Variants in CFAP44 observed in about 807,000 individuals in gnomAD.
CFAP44 encodes the protein cilia- and flagella-associated protein 44.
In CFAP44, 134 loss-of-function variants were observed where a neutral mutation model predicts 216.2. The ratio of observed to expected loss-of-function variants is 0.62; its 90% CI spans 0.54 to 0.72. CFAP44 has a LOEUF of 0.72. CFAP44 is among the 30% of genes least tolerant of loss of function. CFAP44 has a pLI of 0.00. For missense variants in CFAP44, 2,035 were observed against 2,182.1 expected (o/e 0.93, Z 1.34); for synonymous variants, 700 against 727.6 (o/e 0.96, Z 0.61).
At chr3:113,417,128 A>C (rs1934667722) in intron 5 of CFAP44, 1 of 152,836 alleles carries the variant, frequency 6.5e-6, no homozygotes, top group South Asian at 2.1e-4. Context: ...TTTGAGAATC[A>C]CTGAGATGAA....
At chr3:113,425,017 G>A (rs1236641383) in intron 4 of CFAP44, among the ~76,000 whole-genome samples, 1 of 151,852 alleles carries the variant, frequency 6.6e-6, no homozygotes, top group Admixed American at 6.6e-5. Context: ...AACTTCCAGG[G>A]GACTCTAATA....
At chr3:113,340,327 A>G (rs1384143817) in intron 24 of CFAP44, among the ~76,000 whole-genome samples, 3 of 152,210 alleles carry the variant, frequency 2.0e-5, no homozygotes, top group Non-Finnish European at 1.5e-5. Flanking sequence ...AAAAAAAGAG[A>G]TAAGAACCAT....
rs1333520744 is a variant in CFAP44, at chr3:113,380,927, T to C, written c.2024A>G (p.His675Arg). Residue 675 changes from histidine (H) to arginine (R), a missense_variant, in exon 16 of 35, where the codon CAT becomes CGT. Coordinates refer to ENST00000393845, the MANE Select transcript of CFAP44 (RefSeq NM_001164496.2). Reference sequence around the variant, plus strand: ...AATCTTAGATTTGACACTTGAAAAATGGAAACATTTTATGCACATGTCTTT... The same window carrying C: ...AATCTTAGATTTGACACTTGAAAAACGGAAACATTTTATGCACATGTCTTT... ...EIKDMCIKCF[H>R]FSSVKSKILR... is the part of the protein sequence containing the mutation. 3 of 1,583,840 alleles carry C rather than the reference T, an allele frequency of 1.9e-6. No homozygotes were observed. The highest frequency in any genetic ancestry group is 1.2e-5 in the South Asian group (1 of 83,650).
At chr3:113,330,065 G>A (rs1435503162) in intron 26 of CFAP44, 103 bp downstream of exon 26, 1 of 1,382,214 alleles carries the variant, frequency 7.2e-7, no homozygotes, top group Non-Finnish European at 9.5e-7. Flanking sequence ...TTTGGGAAAG[G>A]TTCATGCAGA....
At chr3:113,372,174 T>G (rs964643277) in intron 18 of CFAP44, among the ~76,000 whole-genome samples, 1 of 152,232 alleles carries the variant, frequency 6.6e-6, no homozygotes, top group African/African-American at 2.4e-5. Flanking sequence ...AGTGTGGCGA[T>G]TCCTCAAGGA....
At chr3:113,403,449 G>C (rs1318793468) in intron 9 of CFAP44, among the ~76,000 whole-genome samples, 1 of 152,120 alleles carries the variant, frequency 6.6e-6, no homozygotes, top group African/African-American at 2.4e-5. Flanking sequence ...TTCACCTCTG[G>C]GTGTATTTCT....
At chr3:113,410,053 G>C (rs1486756938) in intron 6 of CFAP44, among the ~76,000 whole-genome samples, 1 of 152,084 alleles carries the variant, frequency 6.6e-6, no homozygotes. Context: ...ATATAATCAA[G>C]AATAACTATG....
chr3:113,290,950 CCTG>C lies in CFAP44; in HGVS notation c.*604_*606del, dbSNP rs1235197575. 6.5e-6 allele frequency: 1 copy of C among 152,868 alleles called. No homozygotes were observed. The highest frequency in any genetic ancestry group is 1.5e-5 in the Non-Finnish European group (1 of 68,508). The allele number at this position is 152,868 out of a possible 1,614,324, so 9.5% of individuals were successfully genotyped here. ...GCAATCCAAGAAGGCTGGTTATTTT[CCTG>C]CTTTCTGCCAACCCAAAGCAAACTG... On this transcript the variant is annotated 3_prime_UTR_variant, in exon 35 of 35. Coordinates refer to ENST00000393845, the MANE Select transcript of CFAP44 (RefSeq NM_001164496.2).
At chr3:113,316,823 C>CA (rs938295004) in intron 28 of CFAP44, among the ~76,000 whole-genome samples, 4 of 150,112 alleles carry the variant, frequency 2.7e-5, no homozygotes, top group African/African-American at 9.8e-5. Flanking sequence ...GAGCCAAGAT[C>CA]ACGCCACTGC....
chr3:113,330,444 C>T lies in CFAP44; in HGVS notation c.3840G>A (p.Lys1280=). The T allele has an allele frequency of 6.5e-7, 1 of 1,537,268 alleles. No homozygotes were observed. Among genetic ancestry groups the T allele is most frequent in the Non-Finnish European group, 8.7e-7 (1 of 1,146,916 alleles). ...CATCTTTACTTTTCATTTGCTGTTGCTTAAAATTTAGGAGAGTTTCTTCAT... is the reference window on the plus strand; with the variant it reads ...CATCTTTACTTTTCATTTGCTGTTGTTTAAAATTTAGGAGAGTTTCTTCAT... ...QYDEETLLNF[K]QQQMKSKDEK... is the part of the protein sequence containing the mutation. The change falls in exon 26 of 35, where the codon AAG becomes AAA. Residue 1280 remains lysine (K), a synonymous_variant. Coordinates refer to ENST00000393845, the MANE Select transcript of CFAP44 (RefSeq NM_001164496.2).
chr3:113,389,576 G>GT (rs1304427910), intron 15 of CFAP44, among the ~76,000 whole-genome samples: 3 of 151,790 alleles, frequency 2.0e-5, no homozygotes, highest in East Asian at 1.9e-4. Flanking sequence ...TTAAAAAGTT[G>GT]TTTTTTTCAA....
chr3:113,420,039 C>G lies in CFAP44; in HGVS notation c.548G>C (p.Gly183Ala), dbSNP rs1411710700. ...TACCCCAATGACGCCAATTCCTTCA[C>G]CACTGCTACTTCGCAGGTAGATCTG... ...KEQIYLRSSS[G>A]EGIGVIGVHP... The change falls in exon 5 of 35, where the codon GGT (glycine) becomes GCT (alanine). Residue 183 changes from glycine (G) to alanine (A), a missense_variant. Coordinates refer to ENST00000393845, the MANE Select transcript of CFAP44 (RefSeq NM_001164496.2). 2.5e-6 allele frequency: 4 copies of G among 1,613,614 alleles called. No homozygotes were observed. Among genetic ancestry groups the G allele is most frequent in the Non-Finnish European group, 2.5e-6 (3 of 1,179,830 alleles).
intron 13 of CFAP44, among the ~76,000 whole-genome samples, chr3:113,397,884 C>A (rs954919311): frequency 6.6e-6 from 1 of 152,008 alleles, no homozygotes. Flanking sequence ...TTTGGAAACA[C>A]GGAGTTCGAG....
At chr3:113,387,915 C>T (rs373605493) in intron 15 of CFAP44, among the ~76,000 whole-genome samples, 3 of 152,042 alleles carry the variant, frequency 2.0e-5, no homozygotes, top group African/African-American at 4.8e-5. Flanking sequence ...GGAGTACTTG[C>T]CACAGGTCTG....
intron 4 of CFAP44, among the ~76,000 whole-genome samples, chr3:113,425,333 G>C (rs1934931295): frequency 6.6e-6 from 1 of 152,160 alleles, no homozygotes; most frequent in African/African-American, 2.4e-5. Context: ...CTATCCAAAA[G>C]GGAAGCACAG....
rs771798583 is a variant in CFAP44, at chr3:113,288,000, T to C, written c.*3557A>G. 3.3e-5 allele frequency: 5 copies of C among 152,210 alleles called. No individual in the cohort carries two copies. The highest frequency in any genetic ancestry group is 1.3e-4 in the Admixed American group (2 of 15,280). 9.4% of individuals were successfully genotyped at this position (152,210 alleles called of 1,614,324 possible). A position where few individuals can be genotyped will look rare whatever the true frequency, so the allele number is the denominator to read the frequency against. Reference sequence around the variant, plus strand: ...TTTTTAATTGAAATTTTAAAATCTTTATATGTGGAAGTGGAATTAGATGGA... The same window carrying C: ...TTTTTAATTGAAATTTTAAAATCTTCATATGTGGAAGTGGAATTAGATGGA... On this transcript the variant is annotated 3_prime_UTR_variant, in exon 35 of 35. Coordinates refer to ENST00000393845, the MANE Select transcript of CFAP44 (RefSeq NM_001164496.2).
intron 1 of CFAP44, among the ~76,000 whole-genome samples, chr3:113,439,205 A>G (rs1438741212): frequency 6.6e-6 from 1 of 152,186 alleles, no homozygotes; most frequent in Non-Finnish European, 1.5e-5. Flanking sequence ...TAGACTGTGC[A>G]GTTTTGAGTT....
Position 113,290,752 on chromosome 3 carries a change from A to T in CFAP44, c.*805T>A, listed in dbSNP as rs1350540007. Reference sequence around the variant, plus strand: ...CTCCTCATCTATATCAAAACCAGCAAATGGCCCAAGTAAAACCTGAAAGAA... The same window carrying T: ...CTCCTCATCTATATCAAAACCAGCATATGGCCCAAGTAAAACCTGAAAGAA... On this transcript the variant is annotated 3_prime_UTR_variant, in exon 35 of 35. Transcript: ENST00000393845. 1.3e-5 allele frequency: 2 copies of T among 152,242 alleles called. No homozygotes were observed. Among genetic ancestry groups the T allele is most frequent in the Non-Finnish European group, 2.9e-5 (2 of 68,040 alleles). 9.4% of individuals were successfully genotyped at this position (152,242 alleles called of 1,614,324 possible). A position where few individuals can be genotyped will look rare whatever the true frequency, so the allele number is the denominator to read the frequency against.
intron 24 of CFAP44, among the ~76,000 whole-genome samples, chr3:113,337,495 T>C (rs1950290944): frequency 6.6e-6 from 1 of 152,172 alleles, no homozygotes; most frequent in Admixed American, 6.5e-5. Context: ...TTATAATGTC[T>C]AAAATAATTT....
Sources: gnomAD v4.1 joint callset for allele counts (sites outside exome capture counted in the v4.1 genomes callset) on GRCh38, gnomAD v4.1.1 for gene constraint, MANE v1.5 for transcripts, NCBI Gene and HGNC (gene_info 2026-07-23, HGNC 2026-07-21) for gene names.